PPARD: variants seen among roughly 807,000 people sequenced by gnomAD.
The protein encoded by PPARD is peroxisome proliferator-activated receptor delta.
Under a neutral mutation model 39.5 loss-of-function variants are expected in PPARD, and 6 were observed. The ratio of observed to expected loss-of-function variants is 0.15; its 90% CI spans 0.08 to 0.30. PPARD has a LOEUF of 0.30. Among genes scored for constraint, PPARD ranks in the 10% least tolerant of loss-of-function variants. The pLI is 1.00. For synonymous variants in PPARD, 210 were observed against 231.3 expected (o/e 0.91, Z 0.83); for missense variants, 397 against 596.8 (o/e 0.67, Z 3.49).
chr6:35,405,437 G>T (rs930786945), intron 2 of PPARD, among the ~76,000 whole-genome samples: 3 of 152,090 alleles, frequency 2.0e-5, no homozygotes, highest in African/African-American at 7.2e-5. Flanking sequence ...CAGGGCCCTT[G>T]TGTTGTCTGG....
At chr6:35,395,751 G>A (rs1764273706) in intron 2 of PPARD, among the ~76,000 whole-genome samples, 1 of 152,174 alleles carries the variant, frequency 6.6e-6, no homozygotes, top group Admixed American at 6.5e-5. Context: ...GTAGCGAGAG[G>A]CAGTACAGTA....
In PPARD at chr6:35,401,948, C is replaced by T. The variant is rs897363403; in HGVS notation, c.-101-9039C>T. Among the ~76,000 whole-genome samples the T allele has an allele frequency of 4.6e-5, 7 of 152,210 alleles. No individual in the cohort carries two copies. In the South Asian group the frequency reaches 1.0e-3, roughly 23 times the overall value. On this transcript the variant is annotated intron_variant, in intron 2 of 7. Transcript: ENST00000360694. The surrounding 1 kb of genome is among the most constrained non-coding windows in gnomAD (Gnocchi z 4.1). ...GTCTCTCTGCTGGCCGGCAGAACCA[C>T]CCTACCCTGGAAGCCCTCTCCATGT...
At chr6:35,419,360 C>G (rs1252068563) in intron 3 of PPARD, among the ~76,000 whole-genome samples, 3 of 152,156 alleles carry the variant, frequency 2.0e-5, no homozygotes, top group Non-Finnish European at 2.9e-5. Flanking sequence ...AGAATCCTAG[C>G]AGTTCTTATG....
intron 2 of PPARD, among the ~76,000 whole-genome samples, chr6:35,362,575 A>G (rs997409306): frequency 6.6e-6 from 1 of 151,944 alleles, no homozygotes; most frequent in Admixed American, 6.6e-5. Flanking sequence ...AGTATATAGG[A>G]AGGGTAATGC....
At chr6:35,405,778 C>A (rs995396943) in intron 2 of PPARD, among the ~76,000 whole-genome samples, 1 of 151,664 alleles carries the variant, frequency 6.6e-6, no homozygotes. Context: ...TACAGGCGTG[C>A]GCCACCATGC....
chr6:35,383,340 T>C (rs1763256523), intron 2 of PPARD, among the ~76,000 whole-genome samples: 1 of 152,166 alleles, frequency 6.6e-6, no homozygotes, highest in South Asian at 2.1e-4. Flanking sequence ...TGCTCGGTGG[T>C]GCCCAGGCTG....
chr6:35,386,315 A>ATTTT (rs751089075), intron 2 of PPARD, among the ~76,000 whole-genome samples: 4 of 120,420 alleles, frequency 3.3e-5, no homozygotes, highest in Non-Finnish European at 7.1e-5. Context: ...CACCTCTACA[A>ATTTT]TTTTTTTTTT....
intron 2 of PPARD, among the ~76,000 whole-genome samples, chr6:35,373,831 C>A (rs1762635464): frequency 6.6e-6 from 1 of 152,090 alleles, no homozygotes; most frequent in Non-Finnish European, 1.5e-5. Flanking sequence ...CCACACCTGG[C>A]TAATTTTTTT....
chr6:35,345,838 C>T (rs1397458796), intron 1 of PPARD, among the ~76,000 whole-genome samples: 1 of 151,540 alleles, frequency 6.6e-6, no homozygotes, highest in Non-Finnish European at 1.5e-5. Flanking sequence ...AGTGCAGCTC[C>T]TCTCTCTCAG....
At position 35,409,988 on chromosome 6, in the gene PPARD, CAGA is replaced by C. The variant is rs548478553; in HGVS notation, c.-101-996_-101-994del. Among the ~76,000 whole-genome samples, 411 of 152,270 alleles carry C rather than the reference CAGA, an allele frequency of 2.7e-3. 2 individuals are homozygous for C. The highest frequency in any genetic ancestry group is 9.3e-3 in the African/African-American group (388 of 41,544). ...GCAGGTCTAGAGCAGGGAGAGAGAGCAGAAGGAGTCTCTGATCACTCCAGGTTC... is the reference window on the plus strand; with the variant it reads ...GCAGGTCTAGAGCAGGGAGAGAGAGCAGGAGTCTCTGATCACTCCAGGTTC... On this transcript the variant is annotated intron_variant, in intron 2 of 7. Coordinates refer to ENST00000360694, the MANE Select transcript of PPARD (RefSeq NM_006238.5).
intron 1 of PPARD, among the ~76,000 whole-genome samples, chr6:35,345,978 G>A (rs755005442): frequency 4.1e-4 from 60 of 147,750 alleles, no homozygotes; most frequent in Non-Finnish European, 8.0e-4. Context: ...CCAGGTTCAC[G>A]CCATTCTTCT....
intron 2 of PPARD, among the ~76,000 whole-genome samples, chr6:35,394,424 T>A (rs78474971): frequency 0.023 from 3,557 of 152,236 alleles, 86 homozygotes; most frequent in African/African-American, 0.06. Flanking sequence ...AACCTTTTTT[T>A]AAAAAACTTG....
At chr6:35,410,396 A>C (rs777637352) in intron 2 of PPARD, among the ~76,000 whole-genome samples, 4 of 152,306 alleles carry the variant, frequency 2.6e-5, no homozygotes, top group Middle Eastern at 3.4e-3. Flanking sequence ...TCCAGGATGG[A>C]GCACATCTTC....
intron 2 of PPARD, among the ~76,000 whole-genome samples, chr6:35,388,019 G>A (rs984270700): frequency 3.8e-4 from 56 of 146,386 alleles, no homozygotes; most frequent in African/African-American, 1.2e-3. Flanking sequence ...ACCACACCTG[G>A]CCATTCTTTT....
intron 1 of PPARD, 58 bp from the exon 2 acceptor site, chr6:35,347,009 C>T: frequency 9.0e-7 from 1 of 1,114,792 alleles, no homozygotes; most frequent in Non-Finnish European, 1.3e-6. Context: ...ATTAGAGTTG[C>T]TTTGAGGGCC....
At chr6:35,344,613 C>G (rs1792058822) in intron 1 of PPARD, among the ~76,000 whole-genome samples, 1 of 152,140 alleles carries the variant, frequency 6.6e-6, no homozygotes. Context: ...GTGACCCACT[C>G]TCATGTTTAG....
intron 5 of PPARD, among the ~76,000 whole-genome samples, chr6:35,422,470 C>G (rs1017310108): frequency 2.0e-5 from 3 of 152,180 alleles, no homozygotes; most frequent in African/African-American, 7.2e-5. Flanking sequence ...CCTTCTCTGC[C>G]CTGTGCTCCA....
intron 2 of PPARD, among the ~76,000 whole-genome samples, chr6:35,404,304 C>A (rs572438036): frequency 6.6e-6 from 1 of 152,320 alleles, no homozygotes; most frequent in East Asian, 1.9e-4. Flanking sequence ...ATAATAGTAC[C>A]TGCCTCTTAG....
intron 2 of PPARD, among the ~76,000 whole-genome samples, chr6:35,394,893 C>T (rs903025287): frequency 5.3e-5 from 8 of 152,060 alleles, no homozygotes; most frequent in Non-Finnish European, 1.0e-4. Flanking sequence ...TCCCTCATCT[C>T]AGCATTGCCA....
Sources: allele counts gnomAD v4.1 joint callset (sites outside exome capture counted in the v4.1 genomes callset), GRCh38; gene constraint gnomAD v4.1.1; non-coding constraint Gnocchi (gnomAD v3.1); transcripts MANE v1.5; gene names NCBI Gene and HGNC (gene_info 2026-07-23, HGNC 2026-07-21).